The following LTN1 variants were observed in gnomAD, a reference collection of about 807,000 sequenced individuals.
LTN1 encodes the protein listerin E3 ubiquitin protein ligase 1.
LTN1 carries 88 observed loss-of-function variants against 201.2 expected under a neutral mutation model. That is an observed-to-expected ratio of 0.44 (90% CI 0.37 to 0.52). The LOEUF is 0.52. Ranked by LOEUF, LTN1 falls within the 20% of genes least tolerant of loss-of-function variation. The pLI, the probability that LTN1 is intolerant of heterozygous loss-of-function variation, is 0.00. For missense variants in LTN1, 1,752 were observed against 2,038.7 expected (o/e 0.86, Z 2.71); for synonymous variants, 645 against 713.5 (o/e 0.90, Z 1.53).
chr21:28,935,750 G>A (rs1426457530), intron 26 of LTN1, among the ~76,000 whole-genome samples: 1 of 150,038 alleles, frequency 6.7e-6, no homozygotes, highest in Non-Finnish European at 1.5e-5. Flanking sequence ...TGAGGCAGGA[G>A]AATGGCATGA....
At chr21:28,972,050 T>C (rs1016381332) in intron 6 of LTN1, among the ~76,000 whole-genome samples, 14 of 152,254 alleles carry the variant, frequency 9.2e-5, no homozygotes, top group Admixed American at 7.2e-4. Flanking sequence ...GTGATAGTAT[T>C]AAGAAGCGAG....
At chr21:28,938,123 T>C (rs537990619) in intron 25 of LTN1, among the ~76,000 whole-genome samples, 5 of 152,270 alleles carry the variant, frequency 3.3e-5, no homozygotes, top group East Asian at 1.9e-4. Context: ...TGATTCTTGA[T>C]TGGATCTTCA....
chr21:28,950,512 A>G (rs924890537), intron 18 of LTN1, among the ~76,000 whole-genome samples: 7 of 152,078 alleles, frequency 4.6e-5, no homozygotes, highest in African/African-American at 1.7e-4. Flanking sequence ...CATTTATATA[A>G]TATCATTTTT....
intron 3 of LTN1, among the ~76,000 whole-genome samples, 199 bp downstream of exon 3, chr21:28,985,940 C>T (rs1376268724): frequency 6.6e-6 from 1 of 152,188 alleles, no homozygotes; most frequent in Non-Finnish European, 1.5e-5. Context: ...GGATTACAGG[C>T]ATGAGCCACC....
rs1290423031 is a variant in LTN1, at chr21:28,932,596, A to G, written c.4944T>C (p.Leu1648=). 6.2e-7 allele frequency: 1 copy of G among 1,613,718 alleles called. No homozygotes were observed. Among genetic ancestry groups the G allele is most frequent in the East Asian group, 2.2e-5 (1 of 44,858 alleles). The change falls in exon 28 of 30, where the codon CTT becomes CTC. Residue 1648 remains leucine, a synonymous_variant. Coordinates refer to ENST00000361371, the MANE Select transcript of LTN1 (RefSeq NM_015565.3). ...GATAATTTGAAGGCAGTTGTATTAT[A>G]AGTTCAATAACTATGTCCTCAATAG... is the stretch of plus-strand genomic sequence containing the variant. ...TYTIEDIVIE[L]IIQLPSNYPL...
rs770978983 is a variant in LTN1, at chr21:28,930,451, G to C, written c.5298C>G (p.Phe1766Leu). ...STCPLCRETFF is the reference protein window; with the variant it reads ...STCPLCRETFL Reference sequence around the variant, plus strand: ...ATCCCTTCCAGTGAAAAAAATCTCAGAAAAACGTCTCACGACACAGTGGAC... The same window carrying C: ...ATCCCTTCCAGTGAAAAAAATCTCACAAAAACGTCTCACGACACAGTGGAC... The change falls in exon 30 of 30, where the codon TTC (phenylalanine) becomes TTG (leucine). Residue 1766 changes from phenylalanine to leucine, a missense_variant. Coordinates refer to ENST00000361371, the MANE Select transcript of LTN1 (RefSeq NM_015565.3). 6.2e-7 allele frequency: 1 copy of C among 1,611,562 alleles called. No homozygotes were observed. The highest frequency in any genetic ancestry group is 8.5e-7 in the Non-Finnish European group (1 of 1,178,474).
intron 25 of LTN1, among the ~76,000 whole-genome samples, chr21:28,940,963 T>TGTA (rs1212585997): frequency 6.6e-6 from 1 of 152,204 alleles, no homozygotes; most frequent in African/African-American, 2.4e-5. Context: ...GGCTTGCACC[T>TGTA]GTAGTCCCAG....
At chr21:28,956,551 A>G (rs552539274) in intron 16 of LTN1, among the ~76,000 whole-genome samples, 2 of 152,200 alleles carry the variant, frequency 1.3e-5, no homozygotes, top group Non-Finnish European at 2.9e-5. Flanking sequence ...TCCACAGTTA[A>G]CAAGATTATA....
At chr21:28,945,207 C>T (rs889820595) in intron 21 of LTN1, among the ~76,000 whole-genome samples, 8 of 151,524 alleles carry the variant, frequency 5.3e-5, no homozygotes, top group Non-Finnish European at 5.9e-5. Context: ...AGCAACAGAG[C>T]GAGATTCTAT....
At chr21:28,977,565 A>C (rs138290960) in intron 6 of LTN1, among the ~76,000 whole-genome samples, 74 of 150,976 alleles carry the variant, frequency 4.9e-4, no homozygotes, top group Non-Finnish European at 9.2e-4. Flanking sequence ...TCTAGTAAAA[A>C]TACGTAAATT....
At position 28,969,579 on chromosome 21, in the gene LTN1, T is replaced by C; in HGVS notation, c.1198A>G (p.Thr400Ala). Residue 400 changes from threonine (T) to alanine (A), a missense_variant, in exon 9 of 30, where the codon ACC becomes GCC. Physicochemically the swap from Thr to Ala is moderately conservative, Grantham distance 58. Around this residue, in one of 3 missense-constraint regions of LTN1, gnomAD observed 1,211 missense variants for 1,312.8 expected, o/e 0.92. Coordinates refer to ENST00000361371, the MANE Select transcript of LTN1 (RefSeq NM_015565.3). ...VAGLSTERTK[T>A]SSLESSAVIS... ...ACTGCCGAGGACTCTAAAGAGCTGG[T>C]TTTAGTTCTCTCTGTTGACAGCCTA... The C allele has an allele frequency of 1.2e-6, 2 of 1,605,276 alleles. No individual in the cohort carries two copies. The highest frequency in any genetic ancestry group is 1.7e-6 in the Non-Finnish European group (2 of 1,176,700).
In LTN1 at chr21:28,952,390, C is replaced by T. The variant is rs1458598660; in HGVS notation, c.3240-126G>A. On this transcript the variant is annotated intron_variant, in intron 17 of 29. Transcript: ENST00000361371. ...GCACCTTGTGATGGCATCAATTCACCTAAGACTTTGCACCCAAGCAACTGC... is the reference window on the plus strand; with the variant it reads ...GCACCTTGTGATGGCATCAATTCACTTAAGACTTTGCACCCAAGCAACTGC... 4 of 556,056 alleles carry T rather than the reference C, an allele frequency of 7.2e-6. No individual in the cohort carries two copies. In the African/African-American group the frequency reaches 7.7e-5, roughly 11 times the overall value. 34.4% of individuals were successfully genotyped at this position (556,056 alleles called of 1,614,324 possible).
chr21:28,977,266 C>G (rs1409997734), intron 6 of LTN1, among the ~76,000 whole-genome samples: 1 of 151,150 alleles, frequency 6.6e-6, no homozygotes, highest in Non-Finnish European at 1.5e-5. Context: ...CCCAGCTACT[C>G]GAGAGGCTGA....
chr21:28,957,423 C>T lies in LTN1; in HGVS notation c.2801G>A (p.Ser934Asn). The T allele has an allele frequency of 3.1e-6, 5 of 1,606,150 alleles. No individual in the cohort carries two copies. The highest frequency in any genetic ancestry group is 1.8e-5 in the Admixed American group (1 of 57,080). ...AACTCCCATAAGATAAGAATCTTCA[C>T]TCTCTAGAAGTGTATTTAGCAAATC... ...VDDLLNTLLE[S>N]EDSYLMGVYI... The change falls in exon 15 of 30, where the codon AGT (serine) becomes AAT (asparagine). Residue 934 changes from serine (S) to asparagine (N), a missense_variant. Ser to Asn is a conservative substitution (Grantham distance 46). Coordinates refer to ENST00000361371, the MANE Select transcript of LTN1 (RefSeq NM_015565.3).
rs1419680464 is a variant in LTN1 at position 28,947,575 on chromosome 21, T to C, written c.3376A>G (p.Thr1126Ala). 3 of 1,574,418 alleles carry C rather than the reference T, an allele frequency of 1.9e-6. No homozygotes were observed. Among genetic ancestry groups the C allele is most frequent in the Admixed American group, 2.0e-5 (1 of 49,104 alleles). The change falls in exon 19 of 30, where the codon ACC becomes GCC. Residue 1126 changes from threonine to alanine, a missense_variant. Thr to Ala is a moderately conservative substitution (Grantham distance 58). Around this residue, in one of 3 missense-constraint regions of LTN1, gnomAD observed 1,211 missense variants for 1,312.8 expected, o/e 0.92. Coordinates refer to ENST00000361371, the MANE Select transcript of LTN1 (RefSeq NM_015565.3). ...FFPLTEGNLH[T>A]IQSLCPFLSK... ...AAAAATGGACATAGACTTTGAATGG[T>C]ATGCAAATTGCCTTCAGTTAGTGGA...
chr21:28,973,790 A>G (rs977759645), intron 6 of LTN1, among the ~76,000 whole-genome samples: 1 of 152,202 alleles, frequency 6.6e-6, no homozygotes, highest in Non-Finnish European at 1.5e-5. Context: ...CACAATATAA[A>G]ACATTCATAA....
rs371704722 is a variant in LTN1 at position 28,935,335 on chromosome 21, G to GA, written c.4655-7dup. 1 of 1,571,278 alleles carries GA rather than the reference G, an allele frequency of 6.4e-7. No homozygotes were observed. The highest frequency in any genetic ancestry group is 8.7e-7 in the Non-Finnish European group (1 of 1,144,256). ...GTATGGAAGCATTGTTGTTTCTGAG[G>GA]AAAAAACAAATTATTGATTAGTAAC... On this transcript the variant is annotated splice_polypyrimidine_tract_variant and splice_region_variant and intron_variant, in intron 26 of 29. Transcript: ENST00000361371.
chr21:28,943,131 A>G, intron 24 of LTN1, 131 bp downstream of exon 24: 1 of 517,926 alleles, frequency 1.9e-6, no homozygotes, highest in Non-Finnish European at 3.5e-6. Context: ...TATCTTACAG[A>G]TAACTAAAAA....
At chr21:28,946,593 G>A (rs892677762) in intron 19 of LTN1, among the ~76,000 whole-genome samples, 3 of 152,112 alleles carry the variant, frequency 2.0e-5, no homozygotes, top group African/African-American at 7.2e-5. Context: ...GACATATTCA[G>A]CAAACTCATC....
Sources: gnomAD v4.1 joint callset for allele counts (sites outside exome capture counted in the v4.1 genomes callset) on GRCh38, gnomAD v4.1.1 for gene constraint, gnomAD v4.1.1 regional missense constraint, MANE v1.5 for transcripts, NCBI Gene and HGNC (gene_info 2026-07-23, HGNC 2026-07-21) for gene names.